Variants in UTS2B observed in about 807,000 individuals in gnomAD.
The protein encoded by UTS2B is urotensin-2B.
In UTS2B, 21 loss-of-function variants were observed where a neutral mutation model predicts 19.2. The ratio of observed to expected loss-of-function variants is 1.09; its 90% CI spans 0.78 to 1.58. The LOEUF is 1.58. Ranked by LOEUF, UTS2B falls within the 40% of genes most tolerant of loss-of-function variation. The pLI is 0.00. For synonymous variants in UTS2B, 57 were observed against 50.2 expected (o/e 1.14, Z -0.58); for missense variants, 138 against 130.3 (o/e 1.06, Z -0.29).
chr3:191,299,664 G>A lies in UTS2B; in HGVS notation c.-125+4828C>T, dbSNP rs547661722. ...ACCTCTACTAAAGCAGTGCAGAGGGGAAGTGTGGGGGTGGAACCCCCACAC... is the reference window on the plus strand; with the variant it reads ...ACCTCTACTAAAGCAGTGCAGAGGGAAAGTGTGGGGGTGGAACCCCCACAC... On this transcript the variant is annotated intron_variant, in intron 4 of 8. Coordinates refer to ENST00000340524, the MANE Select transcript of UTS2B (RefSeq NM_198152.5). Among the ~76,000 whole-genome samples the A allele has an allele frequency of 2.6e-5, 4 of 152,376 alleles. No individual in the cohort carries two copies. In the East Asian group the frequency reaches 5.8e-4, roughly 22 times the overall value.
intron 4 of UTS2B, among the ~76,000 whole-genome samples, chr3:191,300,048 C>T (rs1265697723): frequency 6.6e-6 from 1 of 150,430 alleles, no homozygotes; most frequent in Non-Finnish European, 1.5e-5. Flanking sequence ...TATATATACA[C>T]ATATATACAT....
Position 191,278,187 on chromosome 3 carries a change from C to A in UTS2B, c.104-17G>T. On this transcript the variant is annotated splice_polypyrimidine_tract_variant and intron_variant, in intron 5 of 8. Transcript: ENST00000340524. ...TTTCATTTCCTATAATGATCAAAAA[C>A]CACCATTTTCAATTTGAGTCACCGA... is the stretch of plus-strand genomic sequence containing the variant. 7.3e-7 allele frequency: 1 copy of A among 1,367,644 alleles called. No homozygotes were observed. Among genetic ancestry groups the A allele is most frequent in the Non-Finnish European group, 9.9e-7 (1 of 1,005,580 alleles). The allele number at this position is 1,367,644 out of a possible 1,614,324, so 84.7% of individuals were successfully genotyped here. A position where few individuals can be genotyped will look rare whatever the true frequency, so the allele number is the denominator to read the frequency against.
chr3:191,317,281 A>T (rs1384520803), intron 2 of UTS2B, among the ~76,000 whole-genome samples: 1 of 152,182 alleles, frequency 6.6e-6, no homozygotes, highest in Non-Finnish European at 1.5e-5. Flanking sequence ...GGCACCAGCC[A>T]GCTTCTCTGA....
At position 191,290,460 on chromosome 3, in the gene UTS2B, T is replaced by C. The variant is rs140087857; in HGVS notation, c.-124-8147A>G. Among the ~76,000 whole-genome samples, 202 of 152,300 alleles carry C rather than the reference T, an allele frequency of 1.3e-3. 1 individual carries two copies. The highest frequency in any genetic ancestry group is 4.8e-3 in the African/African-American group (198 of 41,554). On this transcript the variant is annotated intron_variant, in intron 4 of 8. Transcript: ENST00000340524. ...CAATCCCTCAACAATTGCACAACTA[T>C]AATTTTTCATCTTTTACAGTAAAAG...
At chr3:191,275,939 T>C (rs1413800986) in intron 7 of UTS2B, among the ~76,000 whole-genome samples, 2 of 152,136 alleles carry the variant, frequency 1.3e-5, no homozygotes, top group African/African-American at 4.8e-5. Context: ...AAGTCACCTC[T>C]GGGTGTTAAT....
At chr3:191,286,656 A>G (rs1398973944) in intron 4 of UTS2B, among the ~76,000 whole-genome samples, 1 of 151,562 alleles carries the variant, frequency 6.6e-6, no homozygotes, top group African/African-American at 2.4e-5. Context: ...AAATGCCTAT[A>G]TTAAAAAAAA....
the UTS2B span, among the ~76,000 whole-genome samples, chr3:191,343,937 G>A: frequency 1.3e-5 from 2 of 152,206 alleles, no homozygotes; most frequent in Non-Finnish European, 1.5e-5. Flanking sequence ...CACAGTGGTT[G>A]CTAGATAAAT....
chr3:191,305,930 G>T (rs564863371), intron 3 of UTS2B, among the ~76,000 whole-genome samples: 1 of 151,882 alleles, frequency 6.6e-6, no homozygotes, highest in Non-Finnish European at 1.5e-5. Flanking sequence ...TTTTTTCCCC[G>T]TTGCTTTTTT....
At chr3:191,292,150 C>T (rs1340602750) in intron 4 of UTS2B, among the ~76,000 whole-genome samples, 2 of 149,610 alleles carry the variant, frequency 1.3e-5, no homozygotes, top group Admixed American at 6.7e-5. Flanking sequence ...AGGAGGGAAG[C>T]TAAGATTTTG....
At chr3:191,284,938 A>C (rs1716493191) in intron 4 of UTS2B, among the ~76,000 whole-genome samples, 1 of 152,164 alleles carries the variant, frequency 6.6e-6, no homozygotes, top group African/African-American at 2.4e-5. Context: ...AGAAATGCTA[A>C]AGGGAGCTTT....
At chr3:191,300,205 A>G (rs1716958968) in intron 4 of UTS2B, among the ~76,000 whole-genome samples, 1 of 151,858 alleles carries the variant, frequency 6.6e-6, no homozygotes, top group Non-Finnish European at 1.5e-5. Context: ...GCCCACCACC[A>G]TGCCTGGCTA....
At chr3:191,329,523 G>T in intron 1 of UTS2B, 1 of 667,426 alleles carries the variant, frequency 1.5e-6, no homozygotes, top group Non-Finnish European at 2.4e-6. Context: ...ACCAGCCCCT[G>T]CCCGCCCGAC....
At chr3:191,304,870 T>C (rs764940059) in intron 3 of UTS2B, among the ~76,000 whole-genome samples, 1 of 152,168 alleles carries the variant, frequency 6.6e-6, no homozygotes, top group South Asian at 2.1e-4. Flanking sequence ...TTCCCCTCTA[T>C]GTGTCCATGT....
chr3:191,327,922 G>C (rs1244656532), intron 2 of UTS2B, among the ~76,000 whole-genome samples: 1 of 152,134 alleles, frequency 6.6e-6, no homozygotes, highest in Non-Finnish European at 1.5e-5. Flanking sequence ...AACCTGCTGA[G>C]TGTTATCTCT....
intron 5 of UTS2B, among the ~76,000 whole-genome samples, chr3:191,281,087 A>G (rs1328678208): frequency 2.0e-5 from 3 of 152,164 alleles, no homozygotes; most frequent in African/African-American, 7.2e-5. Context: ...TGAGGTAACA[A>G]GGTCTGGTAA....
the UTS2B span, among the ~76,000 whole-genome samples, chr3:191,341,433 A>T: frequency 6.6e-6 from 1 of 152,218 alleles, no homozygotes; most frequent in African/African-American, 2.4e-5. Flanking sequence ...GCCTGGAAGT[A>T]AGCAATATTT....
chr3:191,294,143 AC>A, intron 4 of UTS2B, among the ~76,000 whole-genome samples: 1 of 151,554 alleles, frequency 6.6e-6, no homozygotes, highest in African/African-American at 2.4e-5. Context: ...AAACAAACAA[AC>A]AAAGTGAGTA....
At chr3:191,289,293 CAGGTGCTCGGG>C (rs1716642864) in intron 4 of UTS2B, among the ~76,000 whole-genome samples, 1 of 151,860 alleles carries the variant, frequency 6.6e-6, no homozygotes, top group Non-Finnish European at 1.5e-5. Flanking sequence ...CCTGTAGGCC[CAGGTGCTCGGG>C]AGGCTGAGGC....
At chr3:191,268,929 C>T (rs1716015255) in intron 8 of UTS2B, among the ~76,000 whole-genome samples, 1 of 152,186 alleles carries the variant, frequency 6.6e-6, no homozygotes, top group South Asian at 2.1e-4. Context: ...GGTCACTTTG[C>T]AGACCACAAA....
Sources: gnomAD v4.1 joint callset for allele counts (sites outside exome capture counted in the v4.1 genomes callset) on GRCh38, gnomAD v4.1.1 for gene constraint, MANE v1.5 for transcripts, NCBI Gene and HGNC (gene_info 2026-07-23, HGNC 2026-07-21) for gene names.